The following POLN variants were observed in gnomAD, a reference collection of about 807,000 sequenced individuals.
POLN encodes DNA polymerase nu.
A neutral mutation model predicts 113.5 loss-of-function variants in POLN; 108 were observed. The observed-to-expected ratio is 0.95, with a 90% CI of 0.81 to 1.12. POLN has a LOEUF of 1.12. Among genes scored for constraint, POLN ranks in the 50% most tolerant of loss-of-function variants. The pLI, the probability that POLN is intolerant of heterozygous loss-of-function variation, is 0.00. For synonymous variants in POLN, 386 were observed against 391.5 expected, an observed-to-expected ratio of 0.99 and a Z score of 0.17; for missense variants, 1,097 against 1,077.1, an observed-to-expected ratio of 1.02 and a Z score of -0.26.
chr4:2,171,220 T>G (rs1732852741), intron 11 of POLN, 39 bp from the exon 12 acceptor site: 4 of 1,551,448 alleles, frequency 2.6e-6, no homozygotes, highest in Non-Finnish European at 3.5e-6. Flanking sequence ...CATTCATAGT[T>G]TTCACAATTT....
At chr4:2,095,609 C>T (rs1730769521) in intron 20 of POLN, among the ~76,000 whole-genome samples, 1 of 152,236 alleles carries the variant, frequency 6.6e-6, no homozygotes, top group South Asian at 2.1e-4. Flanking sequence ...GTGGAGCCAA[C>T]GGCTTGGTCA....
At chr4:2,196,897 T>G (rs1390015067) in intron 6 of POLN, among the ~76,000 whole-genome samples, 1 of 152,188 alleles carries the variant, frequency 6.6e-6, no homozygotes, top group Non-Finnish European at 1.5e-5. Context: ...GGGAGAATGC[T>G]GCAGGGAGGG....
At chr4:2,209,474 G>A (rs1157451157) in intron 4 of POLN, among the ~76,000 whole-genome samples, 2 of 127,844 alleles carry the variant, frequency 1.6e-5, no homozygotes, top group East Asian at 2.4e-4. Context: ...GCAAGACTCC[G>A]TCTCAGAAAA....
Position 2,129,178 on chromosome 4 carries a change from C to A in POLN, c.1867+1G>T. On this transcript the variant is annotated splice_donor_variant, in intron 18 of 25. Transcript: ENST00000511885. LOFTEE classifies it high-confidence loss of function. Reference sequence around the variant, plus strand: ...GCATAAAGCAAGCTACAGCAACGTACCTGCTGCTAGAAAGGTGTGGCCTTT... The same window carrying A: ...GCATAAAGCAAGCTACAGCAACGTAACTGCTGCTAGAAAGGTGTGGCCTTT... The A allele has an allele frequency of 6.4e-7, 1 of 1,573,496 alleles. No homozygotes were observed. Among genetic ancestry groups the A allele is most frequent in the Middle Eastern group, 1.7e-4 (1 of 5,988 alleles).
intron 16 of POLN, among the ~76,000 whole-genome samples, chr4:2,143,048 A>T (rs1732042798): frequency 6.6e-6 from 1 of 152,084 alleles, no homozygotes; most frequent in African/African-American, 2.4e-5. Context: ...ACAAACTATA[A>T]CATGTCAAAA....
At chr4:2,237,296 C>A (rs1291748663) in intron 2 of POLN, among the ~76,000 whole-genome samples, 2 of 150,802 alleles carry the variant, frequency 1.3e-5, no homozygotes, top group African/African-American at 4.9e-5. Context: ...ATTAGCCAGG[C>A]ATGGTGGCAC....
chr4:2,143,600 G>A (rs1732059274), intron 16 of POLN, among the ~76,000 whole-genome samples: 1 of 152,162 alleles, frequency 6.6e-6, no homozygotes, highest in South Asian at 2.1e-4. Context: ...TTTCATTAGA[G>A]GATTCTATCA....
chr4:2,115,780 G>C (rs1561004950), intron 19 of POLN, among the ~76,000 whole-genome samples: 1 of 152,208 alleles, frequency 6.6e-6, no homozygotes, highest in South Asian at 2.1e-4. Context: ...GCTGGGTCTG[G>C]ACTTCATTGC....
intron 19 of POLN, among the ~76,000 whole-genome samples, chr4:2,096,686 A>AAGAGAGAGAGAGAGAGAGAGAG (rs750844060): frequency 3.4e-4 from 44 of 130,000 alleles, no homozygotes; most frequent in African/African-American, 1.1e-3. Context: ...AGCCGAGAGA[A>AAGAGAGAGAGAGAGAGAGAGAG]AGAGAGAGAG....
intron 6 of POLN, among the ~76,000 whole-genome samples, chr4:2,195,379 AATG>A (rs1396778897): frequency 6.6e-6 from 1 of 152,236 alleles, no homozygotes; most frequent in East Asian, 1.9e-4. Context: ...ACTGAACACA[AATG>A]AAAGTCATGT....
At chr4:2,240,743 G>C in intron 2 of POLN, 6 of 1,613,946 alleles carry the variant, frequency 3.7e-6, no homozygotes, top group Non-Finnish European at 5.1e-6. Flanking sequence ...GAATAGGCTT[G>C]CCTGATTTCT....
rs563577482 is a variant in POLN at position 2,109,292 on chromosome 4, G to A, written c.1983-13359C>T. ...AACTTTCTTAAGGAAGCACCACACA[G>A]GGTCTAGGAAAAAATAATGTATGGT... On this transcript the variant is annotated intron_variant, in intron 19 of 25. Coordinates refer to ENST00000511885, the MANE Select transcript of POLN (RefSeq NM_181808.4). Among the ~76,000 whole-genome samples the A allele has an allele frequency of 1.6e-3, 240 of 152,266 alleles. 1 individual carries two copies. Among genetic ancestry groups the A allele is most frequent in the Non-Finnish European group, 2.8e-3 (189 of 68,014 alleles).
At chr4:2,217,468 T>TA (rs1319416925) in intron 3 of POLN, among the ~76,000 whole-genome samples, 1 of 152,184 alleles carries the variant, frequency 6.6e-6, no homozygotes, top group Non-Finnish European at 1.5e-5. Flanking sequence ...TACCTAGTAC[T>TA]AAATGAGCCA....
At chr4:2,219,109 T>C (rs1384041052) in intron 3 of POLN, among the ~76,000 whole-genome samples, 2 of 152,198 alleles carry the variant, frequency 1.3e-5, no homozygotes, top group African/African-American at 4.8e-5. Context: ...CTGAGGGTTC[T>C]TCCAACAGTC....
At chr4:2,081,250 GC>G in intron 22 of POLN, 1 of 1,453,542 alleles carries the variant, frequency 6.9e-7, no homozygotes, top group Non-Finnish European at 9.3e-7. Flanking sequence ...GGTTTTGGGT[GC>G]CTTACTCCTG....
chr4:2,080,773 G>T, intron 23 of POLN, 185 bp downstream of exon 23: 1 of 1,461,546 alleles, frequency 6.8e-7, no homozygotes, highest in South Asian at 1.4e-5. Flanking sequence ...CTGGTGGATG[G>T]CTGGTTGTTG....
At chr4:2,188,639 A>C (rs112361268) in intron 7 of POLN, among the ~76,000 whole-genome samples, 6 of 91,482 alleles carry the variant, frequency 6.6e-5, no homozygotes, top group Admixed American at 2.3e-4. Flanking sequence ...CAAAACAAAA[A>C]AAAACCACGA....
At position 2,093,275 on chromosome 4, in the gene POLN, G is replaced by A. The variant is rs571764085; in HGVS notation, c.2065+2576C>T. On this transcript the variant is annotated intron_variant, in intron 20 of 25. Transcript: ENST00000511885. The surrounding 1 kb of genome is among the most constrained non-coding windows in gnomAD (Gnocchi z 4.1). ...TGGATTTGGGGTGGCTGCCCCCACT[G>A]GGGACAAGGCCGGGGCTGCCACAGG... is the stretch of plus-strand genomic sequence containing the variant. Among the ~76,000 whole-genome samples, 12 of 152,316 alleles carry A rather than the reference G, an allele frequency of 7.9e-5. No individual in the cohort carries two copies. The highest frequency in any genetic ancestry group is 1.6e-4 in the Non-Finnish European group (11 of 68,034).
At chr4:2,173,885 T>C (rs1732928333) in intron 11 of POLN, 70 bp downstream of exon 11, 2 of 1,411,702 alleles carry the variant, frequency 1.4e-6, no homozygotes, top group Admixed American at 1.7e-5. Context: ...ACTCTAGACC[T>C]GCCACTGGGA....
Sources: gnomAD v4.1 joint callset for allele counts (sites outside exome capture counted in the v4.1 genomes callset) on GRCh38, gnomAD v4.1.1 for gene constraint, Gnocchi (gnomAD v3.1) non-coding constraint, MANE v1.5 for transcripts, NCBI Gene and HGNC (gene_info 2026-07-23, HGNC 2026-07-21) for gene names.